PLEK: variants seen among roughly 807,000 people sequenced by gnomAD.
PLEK encodes pleckstrin, also known as platelet 47 kDa protein.
A neutral mutation model predicts 43.9 loss-of-function variants in PLEK; 25 were observed. The ratio of observed to expected loss-of-function variants is 0.57; its 90% confidence interval spans 0.41 to 0.79. The LOEUF (loss-of-function observed/expected upper bound fraction) is 0.79. Ranked by LOEUF, PLEK falls within the 30% of genes least tolerant of loss-of-function variation. PLEK has a pLI of 0.00. For missense variants in PLEK, 396 were observed against 413.3 expected (o/e 0.96, Z 0.36); for synonymous variants, 152 against 144.4 (o/e 1.05, Z -0.38).
At chr2:68,393,098 T>C (rs1469906746) in intron 6 of PLEK, 64 bp from the exon 7 acceptor site, 3 of 921,332 alleles carry the variant, frequency 3.3e-6, no homozygotes, top group Non-Finnish European at 5.5e-6. Context: ...TCTGTAGGTA[T>C]TGTTTGTACA....
intron 1 of PLEK, 111 bp from the exon 2 acceptor site, chr2:68,380,217 C>G: frequency 1.2e-6 from 1 of 841,626 alleles, no homozygotes; most frequent in East Asian, 2.7e-5. Context: ...GATGATGTCA[C>G]CAAACATTTT....
At chr2:68,381,571 C>A (rs1673617518) in intron 3 of PLEK, among the ~76,000 whole-genome samples, 1 of 152,154 alleles carries the variant, frequency 6.6e-6, no homozygotes, top group Non-Finnish European at 1.5e-5. Context: ...TTTTGTTGAG[C>A]ATTCCCTGAA....
chr2:68,381,637 AT>A (rs1165985321), intron 3 of PLEK, among the ~76,000 whole-genome samples: 1 of 152,262 alleles, frequency 6.6e-6, no homozygotes, highest in Non-Finnish European at 1.5e-5. Context: ...TCCAACAAGA[AT>A]TTTGTTTTTA....
rs1293133339 is a variant in PLEK, at chr2:68,397,315, G to C, written c.*1499G>C. 2 of 152,132 alleles carry C rather than the reference G, an allele frequency of 1.3e-5. No homozygotes were observed. Among genetic ancestry groups the C allele is most frequent in the Admixed American group, 6.6e-5 (1 of 15,256 alleles). 9.4% of individuals were successfully genotyped at this position (152,132 alleles called of 1,614,324 possible). On this transcript the variant is annotated 3_prime_UTR_variant, in exon 9 of 9. Coordinates refer to ENST00000234313, the MANE Select transcript of PLEK (RefSeq NM_002664.3). ...GTTTTATCAATAGCCTAGAGGTAAA[G>C]AACTGTCTTTTTCTCTGATTCTTTA...
Position 68,386,505 on chromosome 2 carries a change from A to G in PLEK, c.476A>G (p.Asn159Ser), listed in dbSNP as rs1673745555. 6.2e-7 allele frequency: 1 copy of G among 1,613,186 alleles called. No individual in the cohort carries two copies. The highest frequency in any genetic ancestry group is 1.1e-5 in the South Asian group (1 of 91,048). The change falls in exon 5 of 9, where the codon AAC becomes AGC. Residue 159 changes from asparagine to serine, a missense_variant. Physicochemically the swap from Asn to Ser is conservative, Grantham distance 46 (BLOSUM62 1). Coordinates refer to ENST00000234313, the MANE Select transcript of PLEK (RefSeq NM_002664.3). ...TCCCTGTGCTGGTCCCATCTAGGTA[A>G]CTGCGTCATTGATTGGCTGGTATCC... ...KKIFNHCFTG[N>S]CVIDWLVSNQ...
In PLEK at chr2:68,393,212, C is replaced by A. The variant is rs746040142; in HGVS notation, c.813C>A (p.Asp271Glu). The A allele has an allele frequency of 1.2e-5, 19 of 1,612,300 alleles. No individual in the cohort carries two copies. The highest frequency in any genetic ancestry group is 1.3e-5 in the Non-Finnish European group (15 of 1,178,332). Reference protein sequence around the residue: ...WKVRKFILREDPAYLHYYDPA... With the variant: ...WKVRKFILREEPAYLHYYDPA... ...TGAGGAAGTTCATCTTGAGAGAAGA[C>A]CCTGCCTACCTGCACTACTATGACC... Residue 271 changes from aspartate to glutamate, a missense_variant, in exon 7 of 9, where the codon GAC becomes GAA. Asp to Glu is a conservative substitution (Grantham distance 45, BLOSUM62 2). Coordinates refer to ENST00000234313, the MANE Select transcript of PLEK (RefSeq NM_002664.3).
Position 68,395,899 on chromosome 2 carries a change from T to A in PLEK, c.*83T>A. On this transcript the variant is annotated 3_prime_UTR_variant, in exon 9 of 9. Transcript: ENST00000234313. The stretch of plus-strand genomic sequence containing the variant: ...AGGACCTGTCCACTTCTGTGACAAA[T>A]CAACGGGAAACAGCCCAGGGGTGGG... 7.8e-7 allele frequency: 1 copy of A among 1,289,674 alleles called. No individual in the cohort carries two copies. The highest frequency in any genetic ancestry group is 1.1e-6 in the Non-Finnish European group (1 of 901,486). The allele number at this position is 1,289,674 out of a possible 1,614,324, so 79.9% of individuals were successfully genotyped here.
chr2:68,390,608 G>C (rs2103783470), intron 6 of PLEK, among the ~76,000 whole-genome samples: 1 of 152,248 alleles, frequency 6.6e-6, no homozygotes, highest in African/African-American at 2.4e-5. Flanking sequence ...TCAGTGGTTA[G>C]TAACCATAGT....
chr2:68,386,287 G>A (rs930596872), intron 4 of PLEK, among the ~76,000 whole-genome samples: 3 of 152,074 alleles, frequency 2.0e-5, no homozygotes, highest in African/African-American at 7.2e-5. Flanking sequence ...TAAGCAGCAT[G>A]TAGATGTTCT....
intron 4 of PLEK, 145 bp from the exon 5 acceptor site, chr2:68,386,357 C>A: frequency 1.7e-6 from 1 of 582,206 alleles, no homozygotes; most frequent in Non-Finnish European, 3.1e-6. Flanking sequence ...ATCTATCCCA[C>A]TTATTTTGTT....
At position 68,392,587 on chromosome 2, in the gene PLEK, A is replaced by G. The variant is rs540892588; in HGVS notation, c.763-575A>G. Reference sequence around the variant, plus strand: ...TGGTCTTATTCATCAACACCTGAGTATGTCTCTTGCATTCCCACTTCTGCT... The same window carrying G: ...TGGTCTTATTCATCAACACCTGAGTGTGTCTCTTGCATTCCCACTTCTGCT... On this transcript the variant is annotated intron_variant, in intron 6 of 8. Transcript: ENST00000234313. Among the ~76,000 whole-genome samples, 3 of 152,160 alleles carry G rather than the reference A, an allele frequency of 2.0e-5. No homozygotes were observed. In the South Asian group the frequency reaches 6.2e-4, roughly 32 times the overall value.
At chr2:68,380,996 G>A (rs944120352) in intron 3 of PLEK, 92 bp downstream of exon 3, 2 of 1,078,434 alleles carry the variant, frequency 1.9e-6, no homozygotes, top group Admixed American at 2.1e-5. Flanking sequence ...GACCACCTCT[G>A]ATGTTGTATC....
intron 6 of PLEK, among the ~76,000 whole-genome samples, chr2:68,389,484 G>A (rs1033477081): frequency 1.4e-4 from 22 of 152,130 alleles, no homozygotes; most frequent in African/African-American, 5.3e-4. Context: ...GTGATTAATG[G>A]AATGGGCAAG....
intron 8 of PLEK, 50 bp from the exon 9 acceptor site, chr2:68,395,630 T>C (rs1338189245): frequency 6.2e-7 from 1 of 1,607,372 alleles, no homozygotes; most frequent in Non-Finnish European, 8.5e-7. Context: ...GTGGAGCAAG[T>C]GGTCTTTCTG....
chr2:68,393,262 C>CATAAATCCATTCAAATAA lies in PLEK; in HGVS notation c.846+27_846+44dup. The CATAAATCCATTCAAATAA allele has an allele frequency of 6.7e-7, 1 of 1,493,246 alleles. No individual in the cohort carries two copies. Among genetic ancestry groups the CATAAATCCATTCAAATAA allele is most frequent in the South Asian group, 1.1e-5 (1 of 88,170 alleles). The allele number at this position is 1,493,246 out of a possible 1,614,324, so 92.5% of individuals were successfully genotyped here. A position where few individuals can be genotyped will look rare whatever the true frequency, so the allele number is the denominator to read the frequency against. ...CCTGCTGGGGTAAGGTCCTGTGGTT[C>CATAAATCCATTCAAATAA]ATAAATCCATTCAAATAAATAAATC... On this transcript the variant is annotated intron_variant, in intron 7 of 8. Transcript: ENST00000234313.
intron 1 of PLEK, among the ~76,000 whole-genome samples, chr2:68,369,600 A>G (rs1673354144): frequency 6.8e-6 from 1 of 147,790 alleles, no homozygotes; most frequent in Non-Finnish European, 1.5e-5. Context: ...ACCTGTTTCT[A>G]TGGTCGCCAT....
Position 68,388,438 on chromosome 2 carries a change from C to T in PLEK, c.709C>T (p.Leu237=). Residue 237 remains leucine (L), a synonymous_variant, in exon 6 of 9, where the codon CTG becomes TTG. Transcript: ENST00000234313. The part of the protein sequence containing the change: ...EENSSDDDVI[L]KEEFRGVIIK... Reference sequence around the variant, plus strand: ...GAATTCCAGTGATGATGATGTGATTCTGAAAGAAGAATTCAGAGGGGTCAT... The same window carrying T: ...GAATTCCAGTGATGATGATGTGATTTTGAAAGAAGAATTCAGAGGGGTCAT... 1.2e-6 allele frequency: 2 copies of T among 1,612,124 alleles called. No homozygotes were observed. The highest frequency in any genetic ancestry group is 1.7e-6 in the Non-Finnish European group (2 of 1,178,204).
chr2:68,388,516 C>A, intron 6 of PLEK, 25 bp downstream of exon 6: 1 of 1,216,924 alleles, frequency 8.2e-7, no homozygotes, highest in Non-Finnish European at 1.2e-6. Flanking sequence ...CTGCTCCCAT[C>A]TAGCCTTTTC....
At chr2:68,395,253 A>G (rs1362453520) in intron 8 of PLEK, among the ~76,000 whole-genome samples, 1 of 150,542 alleles carries the variant, frequency 6.6e-6, no homozygotes, top group Non-Finnish European at 1.5e-5. Flanking sequence ...ATACAAATCT[A>G]TATTAACAGA....
Sources: allele counts gnomAD v4.1 joint callset (sites outside exome capture counted in the v4.1 genomes callset), GRCh38; gene constraint gnomAD v4.1.1; transcripts MANE v1.5; gene names NCBI Gene and HGNC (gene_info 2026-07-23, HGNC 2026-07-21).